Variants in CRBN observed in about 807,000 individuals in gnomAD.
CRBN encodes the protein cereblon, also known as protein cereblon.
A neutral mutation model predicts 62.2 loss-of-function variants in CRBN; 53 were observed. That is an observed-to-expected ratio of 0.85 (90% confidence interval 0.68 to 1.07). The LOEUF (loss-of-function observed/expected upper bound fraction) is 1.07, where lower values mean the gene tolerates loss of function less well. Among genes scored for constraint, CRBN ranks in the 50% least tolerant of loss-of-function variants. The pLI is 0.00. For synonymous variants in CRBN, 208 were observed against 176.1 expected, an observed-to-expected ratio of 1.18 and a Z score of -1.43; for missense variants, 616 against 531.1, an observed-to-expected ratio of 1.16 and a Z score of -1.57.
chr3:3,158,033 T>A (rs757084123), intron 5 of CRBN, among the ~76,000 whole-genome samples: 1 of 152,194 alleles, frequency 6.6e-6, no homozygotes, highest in Non-Finnish European at 1.5e-5. Context: ...ATTTCTGGCT[T>A]AATATAATCC....
rs564936908 is a variant in CRBN at position 3,153,875 on chromosome 3, C to T, written c.951+85G>A. ...CATGACTACATTACTGGACTCTATA[C>T]AGAGCTCCATTGGCCCCAACAGAGC... On this transcript the variant is annotated intron_variant, in intron 8 of 10. Coordinates refer to ENST00000231948, the MANE Select transcript of CRBN (RefSeq NM_016302.4). 1.7e-4 allele frequency: 142 copies of T among 816,350 alleles called. 2 individuals carry two copies. In the South Asian group the frequency reaches 1.9e-3, roughly 11 times the overall value. 50.6% of individuals were successfully genotyped at this position (816,350 alleles called of 1,614,324 possible). A position where few individuals can be genotyped will look rare whatever the true frequency, so the allele number is the denominator to read the frequency against.
chr3:3,153,837 GA>G (rs1360241482), intron 8 of CRBN, 122 bp downstream of exon 8: 2 of 699,364 alleles, frequency 2.9e-6, no homozygotes, highest in African/African-American at 1.8e-5. Context: ...GATCCCAATT[GA>G]AATCTGAATT....
At chr3:3,168,264 T>C (rs1003020631) in intron 4 of CRBN, among the ~76,000 whole-genome samples, 1 of 152,184 alleles carries the variant, frequency 6.6e-6, no homozygotes, top group African/African-American at 2.4e-5. Flanking sequence ...AAATCAAGAA[T>C]GCATTTACAT....
intron 10 of CRBN, 85 bp from the exon 11 acceptor site, chr3:3,151,130 T>C (rs1347077192): frequency 3.3e-5 from 46 of 1,381,880 alleles, no homozygotes; most frequent in African/African-American, 4.3e-5. Flanking sequence ...AGACAGACTT[T>C]AGAGGCAAAT....
chr3:3,158,844 G>A lies in CRBN; in HGVS notation c.688-2563C>T, dbSNP rs141949918. Among the ~76,000 whole-genome samples the A allele has an allele frequency of 2.6e-4, 39 of 152,258 alleles. No homozygotes were observed. The East Asian group carries it at 6.6e-3, about 26-fold the overall frequency. ...TGTGAGTGCCTGATAGGGTTTGGCC[G>A]TGTCCCCACCCAAATCTCATCTTGA... is the stretch of plus-strand genomic sequence containing the variant. On this transcript the variant is annotated intron_variant, in intron 5 of 10. Transcript: ENST00000231948.
intron 5 of CRBN, among the ~76,000 whole-genome samples, chr3:3,166,456 G>A (rs969817323): frequency 9.9e-5 from 15 of 152,080 alleles, no homozygotes; most frequent in Admixed American, 3.3e-4. Context: ...TATCGGCAGC[G>A]TGAAAATGGA....
chr3:3,173,160 T>G (rs538464989), intron 3 of CRBN, among the ~76,000 whole-genome samples: 1 of 152,196 alleles, frequency 6.6e-6, no homozygotes, highest in African/African-American at 2.4e-5. Flanking sequence ...CAGGTTCAAG[T>G]GATTCTCCTG....
chr3:3,175,199 G>A lies in CRBN; in HGVS notation c.138C>T (p.Ile46=). The change falls in exon 2 of 11, where the codon ATC becomes ATT. Residue 46 remains isoleucine (I), a synonymous_variant. Transcript: ENST00000231948. The part of the protein sequence containing the change: ...QDSKEAKKPN[I]INFDTSLPTS... The stretch of plus-strand genomic sequence containing the variant: ...TCGGCAGACTGGTGTCAAAATTTAT[G>A]ATGTTTGGTTTTTTGGCTTCTTTAC... The A allele has an allele frequency of 6.2e-7, 1 of 1,613,254 alleles. No individual in the cohort carries two copies. The highest frequency in any genetic ancestry group is 8.5e-7 in the Non-Finnish European group (1 of 1,179,506).
chr3:3,178,789 G>A (rs73009149), intron 1 of CRBN, among the ~76,000 whole-genome samples: 1 of 152,024 alleles, frequency 6.6e-6, no homozygotes, highest in Non-Finnish European at 1.5e-5. Context: ...GTCATATAAC[G>A]AAGGGACTCA....
chr3:3,156,805 G>C (rs934468485), intron 5 of CRBN: 1 of 155,852 alleles, frequency 6.4e-6, no homozygotes, highest in African/African-American at 2.4e-5. Context: ...AACTCAAGGA[G>C]AGGGGAAACC....
At chr3:3,170,139 C>T (rs763339446) in intron 4 of CRBN, among the ~76,000 whole-genome samples, 1 of 152,072 alleles carries the variant, frequency 6.6e-6, no homozygotes, top group Non-Finnish European at 1.5e-5. Context: ...GCCACCATGC[C>T]CAGCTAATTT....
chr3:3,178,747 C>G (rs952316724), intron 1 of CRBN, among the ~76,000 whole-genome samples: 2 of 152,180 alleles, frequency 1.3e-5, no homozygotes, highest in African/African-American at 2.4e-5. Flanking sequence ...TGTATTACCT[C>G]TCGTTTCATC....
At chr3:3,152,323 T>C (rs1706622840) in intron 10 of CRBN, 133 bp downstream of exon 10, 1 of 1,008,128 alleles carries the variant, frequency 9.9e-7, no homozygotes, top group African/African-American at 1.7e-5. Context: ...CGGCTAATTT[T>C]TGTAGCAAAT....
rs1004661724 is a variant in CRBN, at chr3:3,175,214, G to C, written c.123C>G (p.Ala41=). The change falls in exon 2 of 11, where the codon GCC becomes GCG. Residue 41 remains alanine, a synonymous_variant. Coordinates refer to ENST00000231948, the MANE Select transcript of CRBN (RefSeq NM_016302.4). The stretch of plus-strand genomic sequence containing the variant: ...CAAAATTTATGATGTTTGGTTTTTT[G>C]GCTTCTTTACTATCCTGGTCTTCAA... ...MEVEDQDSKE[A]KKPNIINFDT... The C allele has an allele frequency of 1.9e-6, 3 of 1,612,836 alleles. No individual in the cohort carries two copies. The highest frequency in any genetic ancestry group is 2.7e-5 in the African/African-American group (2 of 74,596).
At position 3,172,132 on chromosome 3, in the gene CRBN, C is replaced by T. The variant is rs1216418849; in HGVS notation, c.527+644G>A. On this transcript the variant is annotated intron_variant, in intron 4 of 10. Coordinates refer to ENST00000231948, the MANE Select transcript of CRBN (RefSeq NM_016302.4). ...ACAGCTTTGTCAAAATGAATTACTGCTGAAACAGTATACTCAGGGAATTTC... is the reference window on the plus strand; with the variant it reads ...ACAGCTTTGTCAAAATGAATTACTGTTGAAACAGTATACTCAGGGAATTTC... 2.0e-5 allele frequency: 3 copies of T among 152,364 alleles called. No homozygotes were observed. The East Asian group carries it at 5.8e-4, about 29-fold the overall frequency. 9.4% of individuals were successfully genotyped at this position (152,364 alleles called of 1,614,324 possible).
At chr3:3,176,336 A>C (rs955055734) in intron 1 of CRBN, among the ~76,000 whole-genome samples, 1 of 152,248 alleles carries the variant, frequency 6.6e-6, no homozygotes, top group Non-Finnish European at 1.5e-5. Context: ...GAAAAGAAAC[A>C]AAGCAGGCAA....
At chr3:3,151,520 G>A (rs1322870785) in intron 10 of CRBN, among the ~76,000 whole-genome samples, 2 of 151,812 alleles carry the variant, frequency 1.3e-5, no homozygotes, top group Admixed American at 6.6e-5. Flanking sequence ...AAATAAGAAC[G>A]ATTGTCAGAT....
intron 4 of CRBN, among the ~76,000 whole-genome samples, chr3:3,168,662 T>C (rs573744790): frequency 6.6e-6 from 1 of 152,304 alleles, no homozygotes; most frequent in East Asian, 1.9e-4. Context: ...TCTAAAGTAG[T>C]CTTTCATAAT....
At chr3:3,158,033 T>C (rs757084123) in intron 5 of CRBN, among the ~76,000 whole-genome samples, 20 of 152,194 alleles carry the variant, frequency 1.3e-4, no homozygotes, top group Non-Finnish European at 2.6e-4. Context: ...ATTTCTGGCT[T>C]AATATAATCC....
Sources: allele counts gnomAD v4.1 joint callset (sites outside exome capture counted in the v4.1 genomes callset), GRCh38; gene constraint gnomAD v4.1.1; transcripts MANE v1.5; gene names NCBI Gene and HGNC (gene_info 2026-07-23, HGNC 2026-07-21).